Variants in HSPG2 observed in about 807,000 individuals in gnomAD.
The protein encoded by HSPG2 is heparan sulfate proteoglycan 2, also known as basement membrane-specific heparan sulfate proteoglycan core protein.
In HSPG2, 278 loss-of-function variants were observed where a neutral mutation model predicts 526.6. The observed-to-expected ratio is 0.53, with a 90% CI of 0.48 to 0.58. HSPG2 has a LOEUF of 0.58. Ranked by LOEUF, HSPG2 falls within the 20% of genes least tolerant of loss-of-function variation. The pLI is 0.00. For missense variants in HSPG2, 5,354 were observed against 6,099.5 expected (o/e 0.88, Z 4.07); for synonymous variants, 2,465 against 2,555.4 (o/e 0.96, Z 1.07).
In HSPG2 at chr1:21,873,026, A is replaced by G; in HGVS notation, c.3859T>C (p.Cys1287Arg). ...CACTGGCACTGACCAGCAGCATCAC[A>G]CTGGCTGCTGACGCTGCCTTGGGGG... ...CDPQGSVSSQ[C>R]DAAGQCQCKA... Residue 1287 changes from cysteine to arginine, a missense_variant, in exon 31 of 97, where the codon TGT (cysteine) becomes CGT (arginine). Coordinates refer to ENST00000374695, the MANE Select transcript of HSPG2 (RefSeq NM_005529.7). 1 of 1,608,696 alleles carries G rather than the reference A, an allele frequency of 6.2e-7. No individual in the cohort carries two copies. Among genetic ancestry groups the G allele is most frequent in the Non-Finnish European group, 8.5e-7 (1 of 1,179,858 alleles).
In HSPG2 at chr1:21,872,386, G is replaced by A; in HGVS notation, c.4030-9C>T. Reference sequence around the variant, plus strand: ...GCAAAGTGGGTGGAGATCTGGCAGGGGAAAAAGGAGGGGGCGTCAGCCTGA... The same window carrying A: ...GCAAAGTGGGTGGAGATCTGGCAGGAGAAAAAGGAGGGGGCGTCAGCCTGA... On this transcript the variant is annotated splice_polypyrimidine_tract_variant and intron_variant, in intron 32 of 96. Transcript: ENST00000374695. The surrounding 1 kb of genome is among the most constrained non-coding windows in gnomAD (Gnocchi z 5.5). 6.4e-7 allele frequency: 1 copy of A among 1,559,134 alleles called. No individual in the cohort carries two copies. The highest frequency in any genetic ancestry group is 8.7e-7 in the Non-Finnish European group (1 of 1,150,320).
chr1:21,837,298 T>C (rs1184731294), intron 74 of HSPG2, among the ~76,000 whole-genome samples: 1 of 152,210 alleles, frequency 6.6e-6, no homozygotes, highest in East Asian at 1.9e-4. Context: ...AATACTTTTT[T>C]TGAGACGGAG....
chr1:21,908,373 T>G, intron 1 of HSPG2: 1 of 1,070,758 alleles, frequency 9.3e-7, no homozygotes, highest in South Asian at 1.3e-5. Context: ...TTAATGTGCG[T>G]ATTGAGCACA....
At chr1:21,854,100 C>G (rs1639136521) in intron 50 of HSPG2, 93 bp downstream of exon 50, 2 of 1,349,022 alleles carry the variant, frequency 1.5e-6, no homozygotes, top group Admixed American at 5.2e-5. Context: ...GCCTGGAATG[C>G]CCCCCTGTCC....
At position 21,937,157 on chromosome 1, in the gene HSPG2, C is replaced by A. The variant is rs1295638426; in HGVS notation, c.61G>T (p.Ala21Ser). ...LALLLHGRLL[A>S]VTHGLRAYDG... ...GCCCCTCTGCCCCGCACACTCACCG[C>A]CAGCAGCCGCCCGTGCAGCAGCAGC... Residue 21 changes from alanine to serine, a missense_variant and splice_region_variant, in exon 1 of 97, where the codon GCG (alanine) becomes TCG (serine). By Grantham distance (99) the Ala-to-Ser change is moderately conservative. Coordinates refer to ENST00000374695, the MANE Select transcript of HSPG2 (RefSeq NM_005529.7). 1.9e-6 allele frequency: 2 copies of A among 1,031,904 alleles called. No individual in the cohort carries two copies. Among genetic ancestry groups the A allele is most frequent in the South Asian group, 2.7e-5 (1 of 37,068 alleles). 63.9% of individuals were successfully genotyped at this position (1,031,904 alleles called of 1,614,324 possible). A position where few individuals can be genotyped will look rare whatever the true frequency, so the allele number is the denominator to read the frequency against.
intron 25 of HSPG2, chr1:21,875,287 AGAAC>A (rs1640961729): frequency 1.7e-6 from 1 of 595,850 alleles, no homozygotes; most frequent in Non-Finnish European, 3.0e-6. Flanking sequence ...CGGGCCTGAA[AGAAC>A]GATCACTCTC....
chr1:21,917,572 A>G (rs1318991224), intron 1 of HSPG2, among the ~76,000 whole-genome samples: 1 of 152,220 alleles, frequency 6.6e-6, no homozygotes, highest in African/African-American at 2.4e-5. Context: ...CTTCAATGGC[A>G]AAAAAGCTGG....
chr1:21,843,422 A>T lies in HSPG2; in HGVS notation c.8633T>A (p.Leu2878Gln). The change falls in exon 66 of 97, where the codon CTG becomes CAG. Residue 2878 changes from leucine to glutamine, a missense_variant. Coordinates refer to ENST00000374695, the MANE Select transcript of HSPG2 (RefSeq NM_005529.7). Reference sequence around the variant, plus strand: ...AGCCGGGGACACCTGGTTCAGCCTCAGCAGTGGGCCGTGGACCTGGCCAAG... The same window carrying T: ...AGCCGGGGACACCTGGTTCAGCCTCTGCAGTGGGCCGTGGACCTGGCCAAG... ...PARHQVHGPLLRLNQVSPADS... is the reference protein window; with the variant it reads ...PARHQVHGPLQRLNQVSPADS... 1.9e-6 allele frequency: 3 copies of T among 1,613,196 alleles called. No homozygotes were observed. Among genetic ancestry groups the T allele is most frequent in the Non-Finnish European group, 2.5e-6 (3 of 1,179,508 alleles).
chr1:21,872,909 C>T lies in HSPG2; in HGVS notation c.3888+88G>A, dbSNP rs761373915. On this transcript the variant is annotated intron_variant, in intron 31 of 96. Transcript: ENST00000374695. The surrounding 1 kb of genome is among the most constrained non-coding windows in gnomAD (Gnocchi z 5.5). ...TGCCCTGCCCCCCATGCCCAGGTCT[C>T]GGCTTCCACCAGATGCTGCCTGATT... The T allele has an allele frequency of 7.2e-5, 111 of 1,545,356 alleles. No individual in the cohort carries two copies. The highest frequency in any genetic ancestry group is 1.7e-4 in the Middle Eastern group (1 of 5,984).
At chr1:21,829,927 A>G in intron 86 of HSPG2, 66 bp downstream of exon 86, 1 of 1,335,206 alleles carries the variant, frequency 7.5e-7, no homozygotes. Context: ...ATGGCCTCAG[A>G]GTGCCCCACC....
intron 1 of HSPG2, among the ~76,000 whole-genome samples, chr1:21,927,494 G>C (rs893479602): frequency 8.7e-5 from 13 of 149,396 alleles, no homozygotes; most frequent in Admixed American, 2.0e-4. Flanking sequence ...TGTAGGCCAG[G>C]GGGGGACAGG....
Position 21,878,556 on chromosome 1 carries a change from GC to G in HSPG2, c.2558+20del. 6.2e-7 allele frequency: 1 copy of G among 1,613,950 alleles called. No individual in the cohort carries two copies. Among genetic ancestry groups the G allele is most frequent in the Non-Finnish European group, 8.5e-7 (1 of 1,179,880 alleles). On this transcript the variant is annotated intron_variant, in intron 19 of 96. Coordinates refer to ENST00000374695, the MANE Select transcript of HSPG2 (RefSeq NM_005529.7). ...CCCACCCAGGAGCCCCCTTCCTGCA[GC>G]CCCCAAGGCTCTCCCTCACCTCTCA... is the stretch of plus-strand genomic sequence containing the variant.
In HSPG2 at chr1:21,858,653, G is replaced by T. The variant is rs967998410; in HGVS notation, c.5293+913C>A. ...TGACCTGTTTGTAGCCTGTGCTGCT[G>T]GTGGCCTAGCCACGCTTCCCACCCC... is the stretch of plus-strand genomic sequence containing the variant. On this transcript the variant is annotated intron_variant, in intron 42 of 96. Transcript: ENST00000374695. The surrounding 1 kb of genome is among the most constrained non-coding windows in gnomAD (Gnocchi z 4.2). 1.3e-5 allele frequency among the ~76,000 whole-genome samples: 2 copies of T among 152,234 alleles called. No homozygotes were observed. Among genetic ancestry groups the T allele is most frequent in the African/African-American group, 4.8e-5 (2 of 41,464 alleles).
intron 11 of HSPG2, 34 bp downstream of exon 11, chr1:21,884,979 A>G: frequency 6.2e-7 from 1 of 1,613,814 alleles, no homozygotes; most frequent in African/African-American, 1.3e-5. Context: ...GCTGCCCCTC[A>G]TTCCCACCCC....
chr1:21,834,531 G>T, intron 77 of HSPG2, 148 bp downstream of exon 77: 1 of 950,550 alleles, frequency 1.1e-6, no homozygotes, highest in Non-Finnish European at 1.6e-6. Flanking sequence ...GCTGCCACCT[G>T]TTATGAAACC....
At chr1:21,914,179 C>T (rs867355637) in intron 1 of HSPG2, among the ~76,000 whole-genome samples, 1 of 152,116 alleles carries the variant, frequency 6.6e-6, no homozygotes, top group African/African-American at 2.4e-5. Flanking sequence ...ACTTGGAGAC[C>T]GATGGACCAT....
At chr1:21,917,679 T>C (rs539521315) in intron 1 of HSPG2, among the ~76,000 whole-genome samples, 1 of 152,236 alleles carries the variant, frequency 6.6e-6, no homozygotes, top group East Asian at 1.9e-4. Flanking sequence ...CCTCTAGGCC[T>C]TTAGTCATGT....
At chr1:21,937,050 G>A in intron 1 of HSPG2, 105 bp downstream of exon 1, 1 of 341,584 alleles carries the variant, frequency 2.9e-6, no homozygotes, top group Non-Finnish European at 4.2e-6. Flanking sequence ...TCCCCGCCGC[G>A]CAGCCTTGGG....
intron 21 of HSPG2, among the ~76,000 whole-genome samples, chr1:21,877,816 G>C (rs1484895155): frequency 6.6e-6 from 1 of 152,120 alleles, no homozygotes; most frequent in African/African-American, 2.4e-5. Context: ...CATTCCTAAC[G>C]CAAGTGACCT....
Sources: allele counts gnomAD v4.1 joint callset (sites outside exome capture counted in the v4.1 genomes callset), GRCh38; gene constraint gnomAD v4.1.1; non-coding constraint Gnocchi (gnomAD v3.1); transcripts MANE v1.5; gene names NCBI Gene and HGNC (gene_info 2026-07-23, HGNC 2026-07-21).